Variants in HS6ST3 observed in about 807,000 individuals in gnomAD.
HS6ST3 encodes the protein heparan-sulfate 6-O-sulfotransferase 3.
HS6ST3 carries 12 observed loss-of-function variants against 36.7 expected under a neutral mutation model. The observed-to-expected ratio is 0.33, with a 90% CI of 0.21 to 0.53. The LOEUF is 0.53. Ranked by LOEUF, HS6ST3 falls within the 20% of genes least tolerant of loss-of-function variation. HS6ST3 has a pLI of 0.95. For synonymous variants in HS6ST3, 240 were observed against 257.5 expected (o/e 0.93, Z 0.65); for missense variants, 584 against 640.9 (o/e 0.91, Z 0.96).
chr13:96,659,419 T>C (rs941076706), intron 1 of HS6ST3, among the ~76,000 whole-genome samples: 2 of 152,170 alleles, frequency 1.3e-5, no homozygotes, highest in African/African-American at 4.8e-5. Context: ...AAGCTCTTTG[T>C]TAGACATATG....
chr13:96,286,942 G>A (rs1230163062), intron 1 of HS6ST3, among the ~76,000 whole-genome samples: 1 of 152,050 alleles, frequency 6.6e-6, no homozygotes, highest in Admixed American at 6.6e-5. Context: ...ATGCGTGTGA[G>A]TGTGTGTGCG....
chr13:96,633,541 T>C (rs1368655077), intron 1 of HS6ST3, among the ~76,000 whole-genome samples: 2 of 152,202 alleles, frequency 1.3e-5, no homozygotes, highest in Non-Finnish European at 2.9e-5. Context: ...GACTCAGATG[T>C]AGGCATTGAG....
intron 1 of HS6ST3, among the ~76,000 whole-genome samples, chr13:96,596,928 A>C (rs928753017): frequency 6.6e-6 from 1 of 152,186 alleles, no homozygotes; most frequent in Non-Finnish European, 1.5e-5. Context: ...ACATAGATTC[A>C]AACTAAATGC....
intron 1 of HS6ST3, among the ~76,000 whole-genome samples, chr13:96,596,941 C>A (rs938677836): frequency 6.6e-6 from 1 of 152,036 alleles, no homozygotes; most frequent in Non-Finnish European, 1.5e-5. Context: ...CTAAATGCCC[C>A]TCAATGATAG....
At chr13:96,582,339 A>G (rs1566403196) in intron 1 of HS6ST3, among the ~76,000 whole-genome samples, 2 of 152,072 alleles carry the variant, frequency 1.3e-5, no homozygotes, top group Non-Finnish European at 2.9e-5. Flanking sequence ...GATCTACACA[A>G]AAGTGGATCT....
At chr13:96,260,785 A>G (rs1007240330) in intron 1 of HS6ST3, among the ~76,000 whole-genome samples, 12 of 151,968 alleles carry the variant, frequency 7.9e-5, no homozygotes, top group Admixed American at 3.9e-4. Flanking sequence ...GACTACAGGC[A>G]CGCACCACCA....
intron 1 of HS6ST3, chr13:96,169,883 ACAGTGAGGGG>A (rs1213873661): frequency 1.3e-5 from 2 of 152,282 alleles, no homozygotes; most frequent in African/African-American, 4.8e-5. Context: ...AATTTTTTAA[ACAGTGAGGGG>A]CTACAGATGT....
intron 1 of HS6ST3, among the ~76,000 whole-genome samples, chr13:96,496,406 T>C (rs1407098520): frequency 6.6e-6 from 1 of 152,066 alleles, no homozygotes; most frequent in Non-Finnish European, 1.5e-5. Flanking sequence ...TATTCCGTCT[T>C]CCTGAATGGG....
intron 1 of HS6ST3, among the ~76,000 whole-genome samples, chr13:96,370,221 T>G (rs539636930): frequency 6.6e-6 from 1 of 152,320 alleles, no homozygotes; most frequent in South Asian, 2.1e-4. Context: ...CCCCGAGTGA[T>G]TCTAATATAC....
chr13:96,405,238 A>G (rs7995859), intron 1 of HS6ST3, among the ~76,000 whole-genome samples: 77,130 of 152,054 alleles, frequency 0.51, 19,902 homozygotes, highest in Middle Eastern at 0.6. Flanking sequence ...AGTTAGTTCT[A>G]TATTTTATGT....
intron 1 of HS6ST3, among the ~76,000 whole-genome samples, chr13:96,515,358 C>G (rs753339561): frequency 1.3e-5 from 2 of 152,190 alleles, no homozygotes; most frequent in African/African-American, 2.4e-5. Flanking sequence ...ATTTGAAGCA[C>G]TCAGTTAGCA....
intron 1 of HS6ST3, among the ~76,000 whole-genome samples, chr13:96,394,297 T>C (rs1372145191): frequency 1.2e-5 from 1 of 86,206 alleles, no homozygotes; most frequent in Non-Finnish European, 2.6e-5. Context: ...GCTTCCCCCA[T>C]TTTTGTATCT....
chr13:96,091,105 A>G lies in HS6ST3; in HGVS notation c.243A>G (p.Gly81=). The G allele has an allele frequency of 7.3e-7, 1 of 1,371,924 alleles. No individual in the cohort carries two copies. Among genetic ancestry groups the G allele is most frequent in the South Asian group, 1.7e-5 (1 of 60,146 alleles). 85.0% of individuals were successfully genotyped at this position (1,371,924 alleles called of 1,614,324 possible). The part of the protein sequence containing the change: ...LPPPPRGPPE[G]PRGAAAPEEE... The stretch of plus-strand genomic sequence containing the variant: ...CGCCGCCCCGGGGGCCCCCCGAGGG[A>G]CCTCGGGGGGCCGCGGCGCCGGAGG... The change falls in exon 1 of 2, where the codon GGA becomes GGG. Residue 81 remains glycine (G), a synonymous_variant. Coordinates refer to ENST00000376705, the MANE Select transcript of HS6ST3 (RefSeq NM_153456.4).
chr13:96,231,600 C>T (rs756181644), intron 1 of HS6ST3, among the ~76,000 whole-genome samples: 2 of 152,074 alleles, frequency 1.3e-5, no homozygotes, highest in African/African-American at 2.4e-5. Flanking sequence ...GGGAGATCCA[C>T]CCTGTGATCC....
rs574940233 is a variant in HS6ST3 at position 96,458,154 on chromosome 13, G to T, written c.707+366585G>T. ...TTTGTATTCTGTATTCCCATACTGT[G>T]GTCTTACCTTCATTCATTCCAAAAG... is the stretch of plus-strand genomic sequence containing the variant. On this transcript the variant is annotated intron_variant, in intron 1 of 1. Coordinates refer to ENST00000376705, the MANE Select transcript of HS6ST3 (RefSeq NM_153456.4). Among the ~76,000 whole-genome samples the T allele has an allele frequency of 1.1e-3, 169 of 152,170 alleles. 1 individual carries two copies. Among genetic ancestry groups the T allele is most frequent in the Non-Finnish European group, 1.5e-3 (104 of 67,998 alleles).
At chr13:96,113,374 T>C (rs1331577781) in intron 1 of HS6ST3, among the ~76,000 whole-genome samples, 1 of 152,042 alleles carries the variant, frequency 6.6e-6, no homozygotes, top group Non-Finnish European at 1.5e-5. Context: ...CATTAACAGA[T>C]TGACAGAGTA....
intron 1 of HS6ST3, among the ~76,000 whole-genome samples, chr13:96,359,270 T>C (rs949199578): frequency 2.6e-5 from 4 of 152,202 alleles, no homozygotes; most frequent in Admixed American, 6.5e-5. Flanking sequence ...GATCACTTTT[T>C]TCATCCTAAA....
intron 1 of HS6ST3, among the ~76,000 whole-genome samples, chr13:96,365,824 G>GA (rs1203528698): frequency 5.9e-5 from 9 of 151,998 alleles, no homozygotes; most frequent in Non-Finnish European, 1.3e-4. Flanking sequence ...TATTTTCCAG[G>GA]AAAAAAATCG....
At chr13:96,327,946 T>G (rs1217959444) in intron 1 of HS6ST3, among the ~76,000 whole-genome samples, 1 of 135,972 alleles carries the variant, frequency 7.4e-6, no homozygotes, top group East Asian at 2.2e-4. Context: ...GAAGCAATTG[T>G]GAATGGGAGT....
Sources: gnomAD v4.1 joint callset for allele counts (sites outside exome capture counted in the v4.1 genomes callset) on GRCh38, gnomAD v4.1.1 for gene constraint, MANE v1.5 for transcripts, NCBI Gene and HGNC (gene_info 2026-07-23, HGNC 2026-07-21) for gene names.